Variants in MSH3 observed in about 807,000 individuals in gnomAD.
MSH3 encodes mutS homolog 3.
A neutral mutation model predicts 123.3 loss-of-function variants in MSH3; 106 were observed. The observed-to-expected ratio is 0.86, with a 90% CI of 0.73 to 1.01. The LOEUF is 1.01. Among genes scored for constraint, MSH3 ranks in the 50% least tolerant of loss-of-function variants. The pLI is 0.00. For synonymous variants in MSH3, 515 were observed against 481.4 expected, an observed-to-expected ratio of 1.07 and a Z score of -0.91; for missense variants, 1,459 against 1,347.6, an observed-to-expected ratio of 1.08 and a Z score of -1.29.
At chr5:80,801,744 G>C (rs957724798) in intron 19 of MSH3, among the ~76,000 whole-genome samples, 1 of 152,042 alleles carries the variant, frequency 6.6e-6, no homozygotes, top group Non-Finnish European at 1.5e-5. Flanking sequence ...ATTCCACCCA[G>C]GGCCACATAT....
chr5:80,687,479 G>A (rs1279341105), intron 8 of MSH3, among the ~76,000 whole-genome samples: 1 of 152,210 alleles, frequency 6.6e-6, no homozygotes, highest in African/African-American at 2.4e-5. Context: ...AGAAATGAGA[G>A]CTTCCTGAGC....
intron 18 of MSH3, among the ~76,000 whole-genome samples, chr5:80,787,889 T>C (rs1008213510): frequency 2.6e-5 from 4 of 152,234 alleles, no homozygotes; most frequent in African/African-American, 7.2e-5. Context: ...TTAAAGTTTA[T>C]GTGGGTGACA....
chr5:80,749,501 C>T (rs953829811), intron 12 of MSH3, among the ~76,000 whole-genome samples: 2 of 152,146 alleles, frequency 1.3e-5, no homozygotes, highest in African/African-American at 4.8e-5. Context: ...CCTCTCCTAG[C>T]CCACTGACTA....
intron 8 of MSH3, among the ~76,000 whole-genome samples, chr5:80,682,950 A>G (rs1302472822): frequency 1.3e-5 from 2 of 152,296 alleles, no homozygotes; most frequent in East Asian, 1.9e-4. Context: ...AGGTGAGAAC[A>G]TGCAAAGTTT....
At chr5:80,864,779 AT>A in intron 21 of MSH3, 33 bp from the exon 22 acceptor site, 3 of 365,088 alleles carry the variant, frequency 8.2e-6, no homozygotes, top group Non-Finnish European at 8.9e-6. Context: ...AAATTTAAAA[AT>A]GAAATAACAT....
chr5:80,672,504 G>T (rs1258861417), intron 5 of MSH3, 144 bp downstream of exon 5: 2 of 715,750 alleles, frequency 2.8e-6, no homozygotes, highest in African/African-American at 1.8e-5. Context: ...ATAATTATTA[G>T]TATTATGTAT....
Position 80,670,306 on chromosome 5 carries a change from A to C in MSH3, c.789A>C (p.Ala263=). The change falls in exon 4 of 24, where the codon GCA becomes GCC. Residue 263 remains alanine, a synonymous_variant. Transcript: ENST00000265081. ...GYKYRFFGED[A]EIAARELNIY... ...AGTATAGATTCTTTGGGGAAGATGC[A>C]GAGGTAAGTCGTCTTTTCAGGCACT... 6.2e-7 allele frequency: 1 copy of C among 1,613,990 alleles called. No homozygotes were observed. The highest frequency in any genetic ancestry group is 2.2e-5 in the East Asian group (1 of 44,862).
intron 20 of MSH3, among the ~76,000 whole-genome samples, chr5:80,819,308 G>A (rs1484658122): frequency 6.6e-6 from 1 of 151,130 alleles, no homozygotes. Flanking sequence ...GTATATATAG[G>A]ACAAGTCACC....
intron 8 of MSH3, among the ~76,000 whole-genome samples, chr5:80,701,142 A>G (rs1287635750): frequency 6.6e-6 from 1 of 152,200 alleles, no homozygotes; most frequent in African/African-American, 2.4e-5. Context: ...ATCCTACACT[A>G]AATATTAAAG....
chr5:80,735,916 T>A (rs918862757), intron 10 of MSH3, among the ~76,000 whole-genome samples: 2 of 152,112 alleles, frequency 1.3e-5, no homozygotes, highest in Non-Finnish European at 2.9e-5. Context: ...AAAATCATGG[T>A]CACAGATTAA....
At chr5:80,686,050 C>CT (rs963737371) in intron 8 of MSH3, among the ~76,000 whole-genome samples, 2 of 152,186 alleles carry the variant, frequency 1.3e-5, no homozygotes, top group Non-Finnish European at 2.9e-5. Context: ...TGTTTTAAGA[C>CT]TTGTTTTGTG....
rs1554066053 is a variant in MSH3, at chr5:80,654,895, G to GGCCGCAGCA, written c.176_177insAGCCGCAGC (p.Ala60_Ala62dup). On this transcript the variant is annotated inframe_insertion, in exon 1 of 24. Coordinates refer to ENST00000265081, the MANE Select transcript of MSH3 (RefSeq NM_002439.5). ...ACCCTGGCGCTGCAGCGGCTGCAGCGGCCGCAGCGGCCGCAGCGCCCCCAG... is the reference window on the plus strand; with the variant it reads ...ACCCTGGCGCTGCAGCGGCTGCAGCGGCCGCAGCAGCCGCAGCGGCCGCAGCGCCCCCAG... 15 of 819,972 alleles carry GGCCGCAGCA rather than the reference G, an allele frequency of 1.8e-5. No homozygotes were observed. Among genetic ancestry groups the GGCCGCAGCA allele is most frequent in the Non-Finnish European group, 2.2e-5 (13 of 599,964 alleles). The allele number at this position is 819,972 out of a possible 1,614,324, so 50.8% of individuals were successfully genotyped here.
chr5:80,796,207 T>C (rs1744696104), intron 19 of MSH3, among the ~76,000 whole-genome samples: 1 of 152,198 alleles, frequency 6.6e-6, no homozygotes, highest in Non-Finnish European at 1.5e-5. Context: ...TTTCTTTTTT[T>C]CTTTCCTTTT....
intron 8 of MSH3, among the ~76,000 whole-genome samples, chr5:80,714,664 T>C (rs911116781): frequency 6.6e-6 from 1 of 152,162 alleles, no homozygotes; most frequent in African/African-American, 2.4e-5. Context: ...TTATCAAACT[T>C]AATGGGTTTC....
chr5:80,720,696 A>T (rs1370354583), intron 8 of MSH3, among the ~76,000 whole-genome samples: 1 of 151,982 alleles, frequency 6.6e-6, no homozygotes, highest in Non-Finnish European at 1.5e-5. Context: ...TTGTCTGTAG[A>T]GATGTTATTA....
chr5:80,858,667 T>G lies in MSH3; in HGVS notation c.3000+4351T>G, dbSNP rs147942180. 5.9e-3 allele frequency among the ~76,000 whole-genome samples: 893 copies of G among 152,316 alleles called. 7 individuals are homozygous for G. The highest frequency in any genetic ancestry group is 0.049 in the South Asian group (235 of 4,828). On this transcript the variant is annotated intron_variant, in intron 21 of 23. Transcript: ENST00000265081. The stretch of plus-strand genomic sequence containing the variant: ...GTGAATGTTCCATGTTAGCTTGAGA[T>G]GAATGTGTATTCAGCTGTTGGTTGA...
intron 20 of MSH3, among the ~76,000 whole-genome samples, chr5:80,833,668 C>T (rs2112081670): frequency 6.6e-6 from 1 of 152,340 alleles, no homozygotes; most frequent in Middle Eastern, 3.4e-3. Flanking sequence ...GTCTCGATCA[C>T]TTGACCTCAT....
intron 8 of MSH3, among the ~76,000 whole-genome samples, chr5:80,720,742 C>G (rs1173506330): frequency 1.3e-5 from 2 of 151,760 alleles, no homozygotes; most frequent in Admixed American, 6.6e-5. Context: ...TAACTTTGGA[C>G]AGGATTTGAG....
chr5:80,761,927 A>T (rs1413644740), intron 13 of MSH3, among the ~76,000 whole-genome samples: 2 of 152,124 alleles, frequency 1.3e-5, no homozygotes, highest in African/African-American at 2.4e-5. Flanking sequence ...TTCTGTTATA[A>T]TATAGGGTAT....
Sources: allele counts gnomAD v4.1 joint callset (sites outside exome capture counted in the v4.1 genomes callset), GRCh38; gene constraint gnomAD v4.1.1; transcripts MANE v1.5; gene names NCBI Gene and HGNC (gene_info 2026-07-23, HGNC 2026-07-21).